The following CADM2 variants were observed in gnomAD, a reference collection of about 807,000 sequenced individuals.
The protein encoded by CADM2 is cell adhesion molecule 2, also known as immunoglobulin superfamily member 4D.
CADM2 carries 12 observed loss-of-function variants against 49.8 expected under a neutral mutation model. That is an observed-to-expected ratio of 0.24 (90% CI 0.15 to 0.39). CADM2 has a LOEUF of 0.39. Among genes scored for constraint, CADM2 ranks in the 10% least tolerant of loss-of-function variants. The pLI is 1.00. For missense variants in CADM2, 378 were observed against 492.3 expected, an observed-to-expected ratio of 0.77 and a Z score of 2.20; for synonymous variants, 214 against 175.4, an observed-to-expected ratio of 1.22 and a Z score of -1.74.
chr3:85,688,767 C>T (rs2066291661), intron 1 of CADM2, among the ~76,000 whole-genome samples: 2 of 152,018 alleles, frequency 1.3e-5, no homozygotes, highest in African/African-American at 4.8e-5. Context: ...GGGGTTTCAC[C>T]ATGGTGGCCA....
intron 2 of CADM2, among the ~76,000 whole-genome samples, chr3:85,790,460 C>T (rs2071257945): frequency 6.6e-6 from 1 of 152,126 alleles, no homozygotes; most frequent in Non-Finnish European, 1.5e-5. Flanking sequence ...ACTATTATCA[C>T]ATTCTGGAAA....
At chr3:85,265,262 A>C (rs936375873) in intron 1 of CADM2, among the ~76,000 whole-genome samples, 3 of 151,936 alleles carry the variant, frequency 2.0e-5, no homozygotes, top group African/African-American at 7.2e-5. Flanking sequence ...TTATTGAGCT[A>C]TTTTCATCTC....
intron 1 of CADM2, among the ~76,000 whole-genome samples, chr3:85,152,605 T>A (rs1480096449): frequency 6.6e-6 from 1 of 152,160 alleles, no homozygotes; most frequent in South Asian, 2.1e-4. Flanking sequence ...GTTTTTCAGT[T>A]CACCATATAG....
chr3:85,326,931 G>A (rs1228298391), intron 1 of CADM2, among the ~76,000 whole-genome samples: 1 of 151,500 alleles, frequency 6.6e-6, no homozygotes, highest in African/African-American at 2.4e-5. Flanking sequence ...AAGTTTTTCA[G>A]AGAAAGATTA....
intron 3 of CADM2, among the ~76,000 whole-genome samples, chr3:85,847,303 T>C (rs976421317): frequency 2.6e-5 from 4 of 152,210 alleles, no homozygotes; most frequent in Admixed American, 2.6e-4. Flanking sequence ...ATGTTTTCCA[T>C]TAATTTGGTA....
intron 1 of CADM2, among the ~76,000 whole-genome samples, chr3:85,378,486 G>T (rs1469689088): frequency 6.6e-6 from 1 of 151,906 alleles, no homozygotes; most frequent in Non-Finnish European, 1.5e-5. Context: ...GTTTAGTTTC[G>T]TTGGTGGGTG....
intron 8 of CADM2, among the ~76,000 whole-genome samples, chr3:85,985,461 AGCACTACTGTTGT>A (rs1446138532): frequency 2.6e-5 from 4 of 152,006 alleles, no homozygotes; most frequent in African/African-American, 7.2e-5. Flanking sequence ...AACAGACCAC[AGCACTACTGTTGT>A]GACATATGTT....
chr3:85,125,153 T>C (rs983132906), intron 1 of CADM2, among the ~76,000 whole-genome samples: 10 of 152,180 alleles, frequency 6.6e-5, no homozygotes, highest in African/African-American at 2.4e-4. Context: ...AGTAGAGGAC[T>C]ATGACTGTGG....
chr3:85,154,003 A>G (rs1575995188), intron 1 of CADM2, among the ~76,000 whole-genome samples: 1 of 152,186 alleles, frequency 6.6e-6, no homozygotes, highest in East Asian at 1.9e-4. Context: ...ACAGAGCAGA[A>G]AAACTGGAAA....
At chr3:86,040,345 G>T (rs550334692) in intron 8 of CADM2, among the ~76,000 whole-genome samples, 1 of 152,214 alleles carries the variant, frequency 6.6e-6, no homozygotes, top group East Asian at 1.9e-4. Flanking sequence ...AAAAAAATTA[G>T]ATGAATGGCT....
chr3:84,976,120 A>G (rs2031799903), intron 1 of CADM2, among the ~76,000 whole-genome samples: 1 of 151,828 alleles, frequency 6.6e-6, no homozygotes, highest in Non-Finnish European at 1.5e-5. Flanking sequence ...CTTGGGGAGT[A>G]ATTATTTGTA....
intron 1 of CADM2, among the ~76,000 whole-genome samples, chr3:85,411,949 T>A (rs1481280376): frequency 6.6e-6 from 1 of 152,088 alleles, no homozygotes; most frequent in Non-Finnish European, 1.5e-5. Flanking sequence ...TGCCTCAACC[T>A]CCCAAGTCAC....
At chr3:85,336,858 T>C (rs995473937) in intron 1 of CADM2, among the ~76,000 whole-genome samples, 1 of 146,312 alleles carries the variant, frequency 6.8e-6, no homozygotes, top group African/African-American at 2.5e-5. Flanking sequence ...GAGGGGTAGT[T>C]GCTAAATAAA....
intron 3 of CADM2, among the ~76,000 whole-genome samples, chr3:85,856,152 G>T (rs192914311): frequency 2.6e-5 from 4 of 152,096 alleles, no homozygotes; most frequent in Admixed American, 1.3e-4. Context: ...GTTCCACTTA[G>T]GTAGATATTA....
chr3:85,352,251 T>C (rs2031423728), intron 1 of CADM2, among the ~76,000 whole-genome samples: 1 of 152,104 alleles, frequency 6.6e-6, no homozygotes, highest in African/African-American at 2.4e-5. Flanking sequence ...GATTGTGTTG[T>C]CATCTTTTGT....
At chr3:85,701,470 A>G (rs2066751308) in intron 1 of CADM2, among the ~76,000 whole-genome samples, 1 of 146,518 alleles carries the variant, frequency 6.8e-6, no homozygotes, top group Admixed American at 6.9e-5. Context: ...ATATGCTCTT[A>G]TTAGGCTGTA....
chr3:85,837,148 T>C (rs2074447016), intron 3 of CADM2, among the ~76,000 whole-genome samples: 2 of 151,620 alleles, frequency 1.3e-5, no homozygotes, highest in Non-Finnish European at 3.0e-5. Flanking sequence ...TTTCTCATCG[T>C]CCTAACAACA....
At chr3:86,054,478 G>A (rs1412261057) in intron 8 of CADM2, among the ~76,000 whole-genome samples, 2 of 151,998 alleles carry the variant, frequency 1.3e-5, no homozygotes, top group African/African-American at 4.8e-5. Context: ...TTTCTAACAG[G>A]TGATGATTCT....
intron 1 of CADM2, among the ~76,000 whole-genome samples, chr3:85,180,213 TA>T (rs2040894675): frequency 6.6e-6 from 1 of 152,032 alleles, no homozygotes; most frequent in Admixed American, 6.6e-5. Flanking sequence ...ACTTTCAGGT[TA>T]AAAAAGGGGA....
Sources: gnomAD v4.1 joint callset for allele counts (sites outside exome capture counted in the v4.1 genomes callset) on GRCh38, gnomAD v4.1.1 for gene constraint, MANE v1.5 for transcripts, NCBI Gene and HGNC (gene_info 2026-07-23, HGNC 2026-07-21) for gene names.